TTC39B: variants seen among roughly 807,000 people sequenced by gnomAD.
TTC39B encodes tetratricopeptide repeat protein 39B.
A neutral mutation model predicts 96.6 loss-of-function variants in TTC39B; 92 were observed. The observed-to-expected ratio is 0.95, with a 90% CI of 0.80 to 1.13. The LOEUF (loss-of-function observed/expected upper bound fraction) is 1.13. Among genes scored for constraint, TTC39B ranks in the 50% most tolerant of loss-of-function variants. TTC39B has a pLI of 0.00. For synonymous variants in TTC39B, 367 were observed against 299.4 expected, an observed-to-expected ratio of 1.23 and a Z score of -2.33; for missense variants, 955 against 809.3, an observed-to-expected ratio of 1.18 and a Z score of -2.18.
At chr9:15,234,030 CGCCTCTG>C (rs1821615058) in intron 2 of TTC39B, among the ~76,000 whole-genome samples, 4 of 128,394 alleles carry the variant, frequency 3.1e-5, no homozygotes, top group Admixed American at 7.5e-5. Context: ...ATGTGAGGAG[CGCCTCTG>C]ACCCGCCGCC....
intron 2 of TTC39B, among the ~76,000 whole-genome samples, chr9:15,255,807 T>C (rs543139894): frequency 6.6e-6 from 1 of 152,356 alleles, no homozygotes; most frequent in South Asian, 2.1e-4. Context: ...GCATTTGAGT[T>C]TATGAACACA....
chr9:15,203,755 CCA>C, intron 7 of TTC39B, 66 bp downstream of exon 7: 1 of 1,293,948 alleles, frequency 7.7e-7, no homozygotes, highest in South Asian at 1.4e-5. Context: ...ATAGAATGCA[CCA>C]CATTTTTCTA....
chr9:15,300,693 C>A (rs1824551902), intron 1 of TTC39B, among the ~76,000 whole-genome samples: 1 of 152,108 alleles, frequency 6.6e-6, no homozygotes, highest in South Asian at 2.1e-4. Flanking sequence ...CGAAAGCAGC[C>A]TGGCCAACAT....
At chr9:15,255,817 A>T (rs1439515537) in intron 2 of TTC39B, among the ~76,000 whole-genome samples, 2 of 152,234 alleles carry the variant, frequency 1.3e-5, no homozygotes, top group South Asian at 2.1e-4. Flanking sequence ...TTATGAACAC[A>T]ATCAGCCACA....
chr9:15,184,811 T>C (rs1387674921), intron 16 of TTC39B, among the ~76,000 whole-genome samples: 3 of 152,238 alleles, frequency 2.0e-5, no homozygotes, highest in African/African-American at 7.2e-5. Context: ...TAAGCTTCTA[T>C]TAATTACATG....
intron 19 of TTC39B, among the ~76,000 whole-genome samples, chr9:15,172,607 G>A (rs1415756525): frequency 1.3e-5 from 2 of 152,038 alleles, no homozygotes; most frequent in Non-Finnish European, 2.9e-5. Flanking sequence ...AAATATCAAT[G>A]GTTTGGCCAA....
chr9:15,219,942 C>T (rs1052804405), intron 3 of TTC39B, among the ~76,000 whole-genome samples: 49 of 152,134 alleles, frequency 3.2e-4, no homozygotes, highest in Non-Finnish European at 1.6e-4. Context: ...CATTTTTCCA[C>T]GCATCTAAGC....
At chr9:15,263,321 T>C (rs1052407329) in intron 2 of TTC39B, among the ~76,000 whole-genome samples, 1 of 152,218 alleles carries the variant, frequency 6.6e-6, no homozygotes, top group Non-Finnish European at 1.5e-5. Flanking sequence ...TTAACTTAAA[T>C]TTCATTTAAT....
At chr9:15,262,464 C>T (rs564611741) in intron 2 of TTC39B, among the ~76,000 whole-genome samples, 1 of 152,262 alleles carries the variant, frequency 6.6e-6, no homozygotes, top group African/African-American at 2.4e-5. Context: ...TCTAATTTTT[C>T]CTCCAGTTCT....
At chr9:15,206,466 C>G (rs201619401) in intron 6 of TTC39B, among the ~76,000 whole-genome samples, 2 of 152,198 alleles carry the variant, frequency 1.3e-5, no homozygotes, top group East Asian at 3.9e-4. Context: ...GAATAAAATA[C>G]AGCTTAATTT....
chr9:15,171,912 T>C (rs1817681136), exon 20 of TTC39B: 2 of 792,550 alleles, frequency 2.5e-6, no homozygotes, highest in Admixed American at 2.9e-5. Context: ...AAAAAAACTG[T>C]TTTTTTGTCT....
At chr9:15,191,083 T>C (rs555812422) in intron 10 of TTC39B, 107 bp downstream of exon 10, 24 of 768,558 alleles carry the variant, frequency 3.1e-5, no homozygotes, top group Non-Finnish European at 4.3e-5. Flanking sequence ...ACAAACAAAT[T>C]GCCAATAATT....
rs552475949 is a variant in TTC39B at position 15,177,938 on chromosome 9, C to T, written c.1724-124G>A. 161 of 514,970 alleles carry T rather than the reference C, an allele frequency of 3.1e-4. No homozygotes were observed. The Middle Eastern group carries it at 5.1e-3, about 16-fold the overall frequency. 31.9% of individuals were successfully genotyped at this position (514,970 alleles called of 1,614,324 possible). A position where few individuals can be genotyped will look rare whatever the true frequency, so the allele number is the denominator to read the frequency against. On this transcript the variant is annotated intron_variant, in intron 17 of 19. Transcript: ENST00000512701. ...AGGCTGGAGTGCAGTGGCGCAATCTCGGCTCACTGCAAGCTCCGTCTCCCG... is the reference window on the plus strand; with the variant it reads ...AGGCTGGAGTGCAGTGGCGCAATCTTGGCTCACTGCAAGCTCCGTCTCCCG...
intron 2 of TTC39B, among the ~76,000 whole-genome samples, chr9:15,246,173 A>C (rs903879983): frequency 4.6e-5 from 7 of 152,282 alleles, no homozygotes; most frequent in African/African-American, 1.7e-4. Context: ...GAATTGCTTG[A>C]ACCTGGGAGG....
intron 8 of TTC39B, among the ~76,000 whole-genome samples, chr9:15,197,766 T>C (rs1334531727): frequency 6.6e-6 from 1 of 151,936 alleles, no homozygotes; most frequent in Non-Finnish European, 1.5e-5. Context: ...AGACACATTA[T>C]ATATAGGGGA....
exon 13 of TTC39B, chr9:15,189,615 A>C: frequency 6.2e-7 from 1 of 1,614,186 alleles, no homozygotes; most frequent in Non-Finnish European, 8.5e-7. Flanking sequence ...CGGGCATGAT[A>C]AAACAACACG....
chr9:15,185,168 C>T (rs2118678029), intron 16 of TTC39B, 112 bp downstream of exon 16: 2 of 1,357,854 alleles, frequency 1.5e-6, no homozygotes, highest in South Asian at 1.6e-5. Flanking sequence ...ACAACAAAAC[C>T]TACAATGGTT....
At chr9:15,163,949 CA>C (rs1468890907) in exon 20 of TTC39B, 2 of 152,176 alleles carry the variant, frequency 1.3e-5, no homozygotes, top group Non-Finnish European at 2.9e-5. Flanking sequence ...TAGACAATAA[CA>C]TTAACACAAA....
chr9:15,167,565 C>G (rs1371131630), exon 20 of TTC39B: 2 of 152,210 alleles, frequency 1.3e-5, no homozygotes, highest in East Asian at 3.9e-4. Flanking sequence ...CCAGACTGAC[C>G]AACATGGAGA....
Sources: gnomAD v4.1 joint callset for allele counts (sites outside exome capture counted in the v4.1 genomes callset) on GRCh38, gnomAD v4.1.1 for gene constraint, MANE v1.5 for transcripts, NCBI Gene and HGNC (gene_info 2026-07-23, HGNC 2026-07-21) for gene names.